The following GBE1 variants were observed in gnomAD, a reference collection of about 807,000 sequenced individuals.
GBE1 encodes the protein 1,4-alpha-glucan branching enzyme 1, also known as 1,4-alpha-glucan-branching enzyme.
In GBE1, 70 loss-of-function variants were observed where a neutral mutation model predicts 88.8. That is an observed-to-expected ratio of 0.79 (90% CI 0.65 to 0.96). The LOEUF (loss-of-function observed/expected upper bound fraction) is 0.96. Ranked by LOEUF, GBE1 falls within the 40% of genes least tolerant of loss-of-function variation. The pLI is 0.00. For missense variants in GBE1, 872 were observed against 871.0 expected, an observed-to-expected ratio of 1.00 and a Z score of -0.01; for synonymous variants, 284 against 300.1, an observed-to-expected ratio of 0.95 and a Z score of 0.56.
At chr3:81,518,663 C>T (rs1297050669) in intron 14 of GBE1, among the ~76,000 whole-genome samples, 1 of 151,164 alleles carries the variant, frequency 6.6e-6, no homozygotes, top group Non-Finnish European at 1.5e-5. Context: ...TCAAAAGGAC[C>T]TCTATGTTTA....
At chr3:81,683,422 A>T (rs943135317) in intron 2 of GBE1, among the ~76,000 whole-genome samples, 6 of 152,194 alleles carry the variant, frequency 3.9e-5, no homozygotes, top group Non-Finnish European at 7.4e-5. Context: ...AGCTTGCTCA[A>T]TAAGTAGAAT....
At chr3:81,741,114 C>T (rs904758861) in intron 1 of GBE1, among the ~76,000 whole-genome samples, 1 of 152,140 alleles carries the variant, frequency 6.6e-6, no homozygotes, top group African/African-American at 2.4e-5. Flanking sequence ...ACCACAATGT[C>T]ATTAACAAAT....
At chr3:81,752,800 A>G (rs1015702412) in intron 1 of GBE1, among the ~76,000 whole-genome samples, 2 of 152,236 alleles carry the variant, frequency 1.3e-5, no homozygotes, top group Non-Finnish European at 2.9e-5. Flanking sequence ...CTAGCAAAAC[A>G]AAGAGTTGTG....
intron 12 of GBE1, among the ~76,000 whole-genome samples, chr3:81,565,760 A>AT (rs35057700): frequency 6.6e-6 from 1 of 152,202 alleles, no homozygotes; most frequent in South Asian, 2.1e-4. Flanking sequence ...CATCATGATA[A>AT]TAAGAGTGCT....
intron 14 of GBE1, among the ~76,000 whole-genome samples, chr3:81,519,142 C>G (rs1702838582): frequency 6.6e-6 from 1 of 151,658 alleles, no homozygotes; most frequent in Non-Finnish European, 1.5e-5. Context: ...CTCATAGCAA[C>G]ATCTCTGCCT....
intron 14 of GBE1, among the ~76,000 whole-genome samples, chr3:81,505,796 T>C (rs1702646067): frequency 6.6e-6 from 1 of 152,040 alleles, no homozygotes; most frequent in African/African-American, 2.4e-5. Context: ...GGTAATTCTA[T>C]CTTTACTTCT....
Position 81,624,792 on chromosome 3 carries a change from G to A in GBE1, c.992+17989C>T, listed in dbSNP as rs1352193280. On this transcript the variant is annotated intron_variant, in intron 7 of 15. Transcript: ENST00000429644. Reference sequence around the variant, plus strand: ...AGCATATCTCTACTTTCTATGGGATGTTAATGTACCCTGCAGAAAGAATGG... The same window carrying A: ...AGCATATCTCTACTTTCTATGGGATATTAATGTACCCTGCAGAAAGAATGG... Among the ~76,000 whole-genome samples the A allele has an allele frequency of 3.3e-5, 5 of 152,228 alleles. No individual in the cohort carries two copies. The South Asian group carries it at 1.0e-3, about 32-fold the overall frequency.
At chr3:81,545,867 A>G (rs1257681038) in intron 12 of GBE1, among the ~76,000 whole-genome samples, 3 of 152,118 alleles carry the variant, frequency 2.0e-5, no homozygotes, top group Non-Finnish European at 2.9e-5. Flanking sequence ...GCATCTCTGC[A>G]CTATCCACTA....
chr3:81,553,343 TC>T (rs1052222539), intron 12 of GBE1, among the ~76,000 whole-genome samples: 6 of 152,200 alleles, frequency 3.9e-5, no homozygotes, highest in African/African-American at 1.4e-4. Context: ...TATATTTTTT[TC>T]TTTACTAATG....
chr3:81,578,047 A>T lies in GBE1; in HGVS notation c.1496T>A (p.Met499Lys). 1 of 1,609,692 alleles carries T rather than the reference A, an allele frequency of 6.2e-7. No homozygotes were observed. Among genetic ancestry groups the T allele is most frequent in the Non-Finnish European group, 8.5e-7 (1 of 1,177,956 alleles). The change falls in exon 12 of 16, where the codon ATG becomes AAG. Residue 499 changes from methionine (M) to lysine (K), a missense_variant. Physicochemically the swap from Met to Lys is moderately conservative, Grantham distance 95. Coordinates refer to ENST00000429644, the MANE Select transcript of GBE1 (RefSeq NM_000158.4). ...SLAFWLMDAE[M>K]YTNMSVLTPF... ...AGTCAGGACACTCATGTTTGTATAC[A>T]TTTCGGCATCCATCAACCAAAATGC...
In GBE1 at chr3:81,642,998, T is replaced by C. The variant is rs1019962210; in HGVS notation, c.783-8A>G. ...TCAGGTGTTCCATAACGGCTAACAA[T>C]GAAGAACACAGCAAAAAGAAGATTA... On this transcript the variant is annotated splice_region_variant and splice_polypyrimidine_tract_variant and intron_variant, in intron 6 of 15. Transcript: ENST00000429644. 7.6e-6 allele frequency: 12 copies of C among 1,583,700 alleles called. No individual in the cohort carries two copies. Among genetic ancestry groups the C allele is most frequent in the African/African-American group, 1.3e-5 (1 of 74,212 alleles).
intron 1 of GBE1, among the ~76,000 whole-genome samples, chr3:81,748,629 C>A (rs1406481036): frequency 6.6e-6 from 1 of 151,066 alleles, no homozygotes; most frequent in African/African-American, 2.4e-5. Context: ...ACAACAACAA[C>A]AACAAAAATT....
intron 14 of GBE1, among the ~76,000 whole-genome samples, chr3:81,528,075 G>T (rs568289407): frequency 6.6e-6 from 1 of 152,060 alleles, no homozygotes; most frequent in Non-Finnish European, 1.5e-5. Flanking sequence ...TAGGGTCATG[G>T]ATGAAGCTGG....
intron 14 of GBE1, among the ~76,000 whole-genome samples, chr3:81,527,943 G>A (rs1051709348): frequency 3.2e-4 from 48 of 151,892 alleles, no homozygotes; most frequent in Admixed American, 8.5e-4. Context: ...CACTATTCAC[G>A]ATAGCAAAGA....
intron 14 of GBE1, among the ~76,000 whole-genome samples, chr3:81,507,061 A>C: frequency 6.6e-6 from 1 of 152,098 alleles, no homozygotes; most frequent in East Asian, 1.9e-4. Flanking sequence ...GTACTCCTGA[A>C]CTTAAAACAT....
chr3:81,669,968 A>C lies in GBE1; in HGVS notation c.429+870T>G, dbSNP rs1023244269. ...AATATATTTAAGTAACTCTGAGTTA[A>C]TATTGTTAAATAACAAATACCAATA... On this transcript the variant is annotated intron_variant, in intron 3 of 15. Coordinates refer to ENST00000429644, the MANE Select transcript of GBE1 (RefSeq NM_000158.4). 1.1e-4 allele frequency among the ~76,000 whole-genome samples: 16 copies of C among 152,314 alleles called. 1 individual carries two copies. Among genetic ancestry groups the C allele is most frequent in the African/African-American group, 3.8e-4 (16 of 41,580 alleles).
At chr3:81,495,750 T>TA in intron 15 of GBE1, among the ~76,000 whole-genome samples, 1 of 152,328 alleles carries the variant, frequency 6.6e-6, no homozygotes, top group East Asian at 1.9e-4. Flanking sequence ...GAGCAGAAGA[T>TA]ATTTTCCAAT....
At chr3:81,624,349 C>A (rs552491398) in intron 7 of GBE1, among the ~76,000 whole-genome samples, 1 of 152,270 alleles carries the variant, frequency 6.6e-6, no homozygotes, top group South Asian at 2.1e-4. Context: ...AAGATGAGAT[C>A]TGGGTGAGGA....
chr3:81,623,992 A>G (rs1178646475), intron 7 of GBE1, among the ~76,000 whole-genome samples: 1 of 152,114 alleles, frequency 6.6e-6, no homozygotes, highest in Non-Finnish European at 1.5e-5. Context: ...TTAATATAGG[A>G]TCTGTATTAG....
Sources: allele counts gnomAD v4.1 joint callset (sites outside exome capture counted in the v4.1 genomes callset), GRCh38; gene constraint gnomAD v4.1.1; transcripts MANE v1.5; gene names NCBI Gene and HGNC (gene_info 2026-07-23, HGNC 2026-07-21).